MOB1B: variants seen among roughly 807,000 people sequenced by gnomAD.
MOB1B encodes MOB1 Mps One Binder homolog B.
In MOB1B, 19 loss-of-function variants were observed where a neutral mutation model predicts 24.4. The observed-to-expected ratio is 0.78, with a 90% confidence interval of 0.54 to 1.14. The LOEUF (loss-of-function observed/expected upper bound fraction) is 1.14, where lower values mean the gene tolerates loss of function less well. Ranked by LOEUF, MOB1B falls within the 50% of genes most tolerant of loss-of-function variation. The pLI, the probability that MOB1B is intolerant of heterozygous loss-of-function variation, is 0.00. For synonymous variants in MOB1B, 76 were observed against 82.1 expected (o/e 0.93, Z 0.40); for missense variants, 243 against 259.6 (o/e 0.94, Z 0.44).
At chr4:70,905,626 C>G (rs1398130356) in intron 1 of MOB1B, among the ~76,000 whole-genome samples, 1 of 152,066 alleles carries the variant, frequency 6.6e-6, no homozygotes, top group East Asian at 1.9e-4. Context: ...ATTTTCCTCC[C>G]GTTCTTGGAA....
At chr4:70,962,269 CACGAATTAGTCAAA>C (rs1738336091) in intron 2 of MOB1B, among the ~76,000 whole-genome samples, 1 of 152,278 alleles carries the variant, frequency 6.6e-6, no homozygotes, top group South Asian at 2.1e-4. Context: ...CCCCAGGCTT[CACGAATTAGTCAAA>C]ACTCTACCTG....
intron 2 of MOB1B, among the ~76,000 whole-genome samples, chr4:70,962,787 T>G (rs1398718331): frequency 1.3e-5 from 2 of 151,944 alleles, no homozygotes. Context: ...TCACTTGAGC[T>G]CAGGAGTTCA....
At chr4:70,952,649 AAAAAAAAAAACAAAACAAAAAC>A (rs1737857086) in intron 1 of MOB1B, among the ~76,000 whole-genome samples, 1 of 151,396 alleles carries the variant, frequency 6.6e-6, no homozygotes, top group Non-Finnish European at 1.5e-5. Flanking sequence ...TCTCAAAAAA[AAAAAAAAAAACAAAACAAAAAC>A]AAAAAAAAAA....
intron 3 of MOB1B, among the ~76,000 whole-genome samples, chr4:70,971,863 G>GA (rs1308614360): frequency 6.6e-6 from 1 of 151,996 alleles, no homozygotes; most frequent in Non-Finnish European, 1.5e-5. Context: ...AAAGCTGTGT[G>GA]GTCTCCTGCC....
At chr4:70,980,614 G>A (rs114458455) in intron 5 of MOB1B, among the ~76,000 whole-genome samples, 1,636 of 152,216 alleles carry the variant, frequency 0.011, 29 homozygotes, top group African/African-American at 0.038. Flanking sequence ...TGGTCCTTCT[G>A]CTGCCTGCAC....
intron 1 of MOB1B, chr4:70,950,928 G>A (rs1737778530): frequency 3.0e-6 from 2 of 657,156 alleles, no homozygotes; most frequent in Non-Finnish European, 5.5e-6. Flanking sequence ...CTGAGACTCA[G>A]TAACAGTAAC....
intron 5 of MOB1B, among the ~76,000 whole-genome samples, chr4:70,981,508 A>G (rs948719524): frequency 2.0e-5 from 3 of 152,166 alleles, no homozygotes; most frequent in Non-Finnish European, 4.4e-5. Flanking sequence ...TTTTCCTACC[A>G]TATCTTTTGA....
At chr4:70,960,711 A>G (rs537097635) in intron 2 of MOB1B, among the ~76,000 whole-genome samples, 2 of 152,290 alleles carry the variant, frequency 1.3e-5, no homozygotes, top group East Asian at 1.9e-4. Context: ...TGCTTTATTG[A>G]TGAGGCCTGC....
intron 5 of MOB1B, among the ~76,000 whole-genome samples, chr4:70,981,084 G>A (rs547374491): frequency 6.6e-6 from 1 of 152,250 alleles, no homozygotes; most frequent in Admixed American, 6.5e-5. Context: ...GGAGGATAGA[G>A]CATGTTTTAC....
chr4:70,985,179 C>G lies in MOB1B; in HGVS notation c.*3122C>G, dbSNP rs910286526. Reference sequence around the variant, plus strand: ...ATTTTCCTTGCTTATGGGAAAATAGCAAAACAACATTTCATTTATACTTTT... The same window carrying G: ...ATTTTCCTTGCTTATGGGAAAATAGGAAAACAACATTTCATTTATACTTTT... On this transcript the variant is annotated 3_prime_UTR_variant, in exon 6 of 6. Coordinates refer to ENST00000309395, the MANE Select transcript of MOB1B (RefSeq NM_173468.4). The G allele has an allele frequency of 1.3e-5, 2 of 152,070 alleles. No homozygotes were observed. Among genetic ancestry groups the G allele is most frequent in the African/African-American group, 4.8e-5 (2 of 41,414 alleles). 9.4% of individuals were successfully genotyped at this position (152,070 alleles called of 1,614,324 possible). A position where few individuals can be genotyped will look rare whatever the true frequency, so the allele number is the denominator to read the frequency against.
chr4:70,952,868 A>G (rs541444192), intron 1 of MOB1B, among the ~76,000 whole-genome samples: 2 of 148,984 alleles, frequency 1.3e-5, no homozygotes, highest in Non-Finnish European at 3.0e-5. Flanking sequence ...ACTGATGAGG[A>G]CTTCTGTGTA....
At chr4:70,974,527 T>G (rs905428094) in intron 3 of MOB1B, among the ~76,000 whole-genome samples, 4 of 152,168 alleles carry the variant, frequency 2.6e-5, no homozygotes, top group African/African-American at 9.7e-5. Context: ...TTAGTATCTT[T>G]TACATGGAAG....
At chr4:70,931,738 C>T (rs1455678464) in intron 1 of MOB1B, among the ~76,000 whole-genome samples, 1 of 152,096 alleles carries the variant, frequency 6.6e-6, no homozygotes, top group Non-Finnish European at 1.5e-5. Flanking sequence ...GACATTAAGA[C>T]AATTTTCCAC....
At chr4:70,950,924 C>G (rs990387171) in intron 1 of MOB1B, 18 of 674,970 alleles carry the variant, frequency 2.7e-5, no homozygotes, top group African/African-American at 8.9e-5. Flanking sequence ...GAAGCTGAGA[C>G]TCAGTAACAG....
At chr4:70,957,100 G>GTTTT (rs572932916) in intron 1 of MOB1B, among the ~76,000 whole-genome samples, 27 of 123,108 alleles carry the variant, frequency 2.2e-4, no homozygotes, top group African/African-American at 7.6e-4. Context: ...TTGTTTATGT[G>GTTTT]TTTTTTTTTT....
chr4:70,964,761 C>T (rs1289783314), intron 2 of MOB1B, among the ~76,000 whole-genome samples: 3 of 151,954 alleles, frequency 2.0e-5, no homozygotes, highest in East Asian at 3.9e-4. Flanking sequence ...GAAACCCCAT[C>T]TCTACTAAAA....
chr4:70,934,694 G>A (rs1266118584), intron 1 of MOB1B, among the ~76,000 whole-genome samples: 1 of 152,052 alleles, frequency 6.6e-6, no homozygotes, highest in Non-Finnish European at 1.5e-5. Context: ...AACCTCAAGT[G>A]ATTTGCCTGT....
chr4:70,952,365 GCA>G (rs993483427), intron 1 of MOB1B, among the ~76,000 whole-genome samples: 1 of 151,796 alleles, frequency 6.6e-6, no homozygotes, highest in African/African-American at 2.4e-5. Context: ...ATAAAAACAG[GCA>G]CAAAACTTTC....
chr4:70,979,133 C>G lies in MOB1B; in HGVS notation c.415C>G (p.Pro139Ala). Residue 139 changes from proline (P) to alanine (A), a missense_variant, in exon 5 of 6, where the codon CCG becomes GCG. Coordinates refer to ENST00000309395, the MANE Select transcript of MOB1B (RefSeq NM_173468.4). ...ETLFPSKIGV[P>A]FPKNFMSVAK... ...GTTGTTTATCTCTTTTCTAGGTGTC[C>G]CGTTCCCAAAGAATTTCATGTCTGT... The G allele has an allele frequency of 6.2e-7, 1 of 1,613,126 alleles. No individual in the cohort carries two copies. The highest frequency in any genetic ancestry group is 8.5e-7 in the Non-Finnish European group (1 of 1,179,434).
Sources: gnomAD v4.1 joint callset for allele counts (sites outside exome capture counted in the v4.1 genomes callset) on GRCh38, gnomAD v4.1.1 for gene constraint, MANE v1.5 for transcripts, NCBI Gene and HGNC (gene_info 2026-07-23, HGNC 2026-07-21) for gene names.